Variants in FCHSD2 observed in about 807,000 individuals in gnomAD.
FCHSD2 encodes the protein FCH and double SH3 domains 2, also known as F-BAR and double SH3 domains protein 2.
In FCHSD2, 38 loss-of-function variants were observed where a neutral mutation model predicts 108.1. That is an observed-to-expected ratio of 0.35 (90% CI 0.27 to 0.46). FCHSD2 has a LOEUF of 0.46. FCHSD2 is among the 20% of genes least tolerant of loss of function. The probability of loss-of-function intolerance (pLI) is 1.00; values close to 1 mark genes in which losing one functional copy is unlikely to be tolerated. For missense variants in FCHSD2, 751 were observed against 897.8 expected (o/e 0.84, Z 2.09); for synonymous variants, 279 against 314.7 (o/e 0.89, Z 1.20).
intron 12 of FCHSD2, among the ~76,000 whole-genome samples, chr11:72,881,548 A>G (rs1855086961): frequency 6.6e-6 from 1 of 152,202 alleles, no homozygotes; most frequent in African/African-American, 2.4e-5. Context: ...TATTTATCCA[A>G]AGGAAAGGAA....
intron 3 of FCHSD2, among the ~76,000 whole-genome samples, chr11:73,071,875 G>T (rs1859445380): frequency 6.6e-6 from 1 of 152,098 alleles, no homozygotes; most frequent in Admixed American, 6.6e-5. Flanking sequence ...TATGTAAAGT[G>T]CTTAGAACAG....
chr11:72,961,706 T>C (rs1435284737), intron 8 of FCHSD2, among the ~76,000 whole-genome samples: 1 of 152,226 alleles, frequency 6.6e-6, no homozygotes. Context: ...CAAAATGCAA[T>C]GATCTCTAAA....
intron 8 of FCHSD2, among the ~76,000 whole-genome samples, chr11:72,970,804 G>T (rs2135384125): frequency 6.6e-6 from 1 of 152,270 alleles, no homozygotes; most frequent in East Asian, 1.9e-4. Flanking sequence ...CAATTTTGGG[G>T]TTAGGTATAC....
At chr11:73,015,720 T>A in intron 4 of FCHSD2, 89 bp downstream of exon 4, 2 of 699,742 alleles carry the variant, frequency 2.9e-6, no homozygotes, top group South Asian at 4.2e-5. Context: ...AGTAATTCTT[T>A]TAAAAACTAG....
At chr11:72,914,286 ATTACAGG>A (rs1047653749) in intron 9 of FCHSD2, among the ~76,000 whole-genome samples, 2 of 152,204 alleles carry the variant, frequency 1.3e-5, no homozygotes, top group African/African-American at 4.8e-5. Flanking sequence ...AAGTGCTGGG[ATTACAGG>A]TGTGAGTCAG....
Position 73,074,890 on chromosome 11 carries a change from C to T in FCHSD2, c.165+8805G>A, listed in dbSNP as rs138657916. On this transcript the variant is annotated intron_variant, in intron 3 of 19. Transcript: ENST00000409418. ...TCACGCCACTGCACTCCAGCCTAGG[C>T]GACAGAGTGAGACCCTGTCCCAAGG... Among the ~76,000 whole-genome samples the T allele has an allele frequency of 9.3e-3, 1,420 of 152,084 alleles. 6 individuals are homozygous for T. The highest frequency in any genetic ancestry group is 0.018 in the African/African-American group (763 of 41,486).
intron 2 of FCHSD2, among the ~76,000 whole-genome samples, chr11:73,105,260 T>C (rs573092524): frequency 4.6e-4 from 70 of 152,294 alleles, no homozygotes; most frequent in Non-Finnish European, 9.3e-4. Context: ...TAATGTGCTA[T>C]AAAAGGTGGT....
intron 13 of FCHSD2, among the ~76,000 whole-genome samples, chr11:72,862,187 C>T (rs1046006674): frequency 2.0e-5 from 3 of 152,170 alleles, no homozygotes; most frequent in African/African-American, 7.2e-5. Flanking sequence ...AGACTGAATG[C>T]ATTCTTGCTA....
At chr11:72,929,407 A>C (rs1856144491) in intron 8 of FCHSD2, among the ~76,000 whole-genome samples, 1 of 152,240 alleles carries the variant, frequency 6.6e-6, no homozygotes, top group Non-Finnish European at 1.5e-5. Context: ...ATTAACCTGC[A>C]CATGAACTCA....
intron 4 of FCHSD2, among the ~76,000 whole-genome samples, chr11:73,006,873 G>T (rs1213495855): frequency 6.6e-6 from 1 of 152,198 alleles, no homozygotes; most frequent in Non-Finnish European, 1.5e-5. Flanking sequence ...AGGAGGAGAG[G>T]AAGGAATGAT....
intron 12 of FCHSD2, among the ~76,000 whole-genome samples, chr11:72,882,060 G>C (rs1355220740): frequency 6.6e-6 from 1 of 152,142 alleles, no homozygotes; most frequent in Admixed American, 6.5e-5. Context: ...CGGGAGAATG[G>C]CATGAAGCCG....
Position 72,913,813 on chromosome 11 carries a change from C to CA in FCHSD2, c.828+8014dup, listed in dbSNP as rs1194107428. Among the ~76,000 whole-genome samples, 217 of 103,896 alleles carry CA rather than the reference C, an allele frequency of 2.1e-3. 1 individual carries two copies. The highest frequency in any genetic ancestry group is 0.011 in the Middle Eastern group (2 of 188). The allele number at this position is 103,896 out of a possible 152,430, so 68.2% of individuals were successfully genotyped here. A position where few individuals can be genotyped will look rare whatever the true frequency, so the allele number is the denominator to read the frequency against. On this transcript the variant is annotated intron_variant, in intron 9 of 19. Transcript: ENST00000409418. ...TTTCACAACTGATATACAAAAAAAC[C>CA]AAAAAAAACCCAAAAAAAAAACAAA...
chr11:72,875,012 C>T (rs1474546027), intron 12 of FCHSD2, among the ~76,000 whole-genome samples: 2 of 152,150 alleles, frequency 1.3e-5, no homozygotes, highest in South Asian at 2.1e-4. Flanking sequence ...TTTATAAACA[C>T]AGTCAATTAC....
At chr11:72,896,755 G>T (rs1855425789) in intron 10 of FCHSD2, among the ~76,000 whole-genome samples, 1 of 136,172 alleles carries the variant, frequency 7.3e-6, no homozygotes, top group Non-Finnish European at 1.6e-5. Context: ...GCAATTAGGG[G>T]GAAAATACTA....
intron 9 of FCHSD2, among the ~76,000 whole-genome samples, chr11:72,913,891 G>A (rs576861419): frequency 5.2e-4 from 77 of 149,148 alleles, no homozygotes; most frequent in African/African-American, 1.8e-3. Context: ...CCTCTAAAAG[G>A]AGAACTACAA....
intron 8 of FCHSD2, among the ~76,000 whole-genome samples, chr11:72,943,612 T>C (rs575281329): frequency 1.3e-5 from 2 of 152,340 alleles, no homozygotes; most frequent in African/African-American, 4.8e-5. Flanking sequence ...GAGAATTCCC[T>C]GGGTCAGTCT....
intron 12 of FCHSD2, among the ~76,000 whole-genome samples, chr11:72,874,707 T>C (rs1403267320): frequency 2.0e-5 from 3 of 152,230 alleles, no homozygotes; most frequent in African/African-American, 7.2e-5. Context: ...CAGATAAACA[T>C]GGTATTTGCC....
At chr11:72,996,008 A>G (rs1857513008) in intron 5 of FCHSD2, among the ~76,000 whole-genome samples, 1 of 152,236 alleles carries the variant, frequency 6.6e-6, no homozygotes, top group South Asian at 2.1e-4. Flanking sequence ...AATAATAAAC[A>G]TAAAGGTTAT....
At chr11:72,850,847 T>C (rs534350789) in intron 13 of FCHSD2, among the ~76,000 whole-genome samples, 49 of 151,812 alleles carry the variant, frequency 3.2e-4, no homozygotes, top group Non-Finnish European at 6.8e-4. Context: ...CCAAGCACTT[T>C]GGGAGGCCAA....
Sources: gnomAD v4.1 joint callset for allele counts (sites outside exome capture counted in the v4.1 genomes callset) on GRCh38, gnomAD v4.1.1 for gene constraint, MANE v1.5 for transcripts, NCBI Gene and HGNC (gene_info 2026-07-23, HGNC 2026-07-21) for gene names.